The following EPHA3 variants were observed in gnomAD, a reference collection of about 807,000 sequenced individuals.
The protein encoded by EPHA3 is EPH receptor A3.
In EPHA3, 42 loss-of-function variants were observed where a neutral mutation model predicts 107.1. The ratio of observed to expected loss-of-function variants is 0.39; its 90% CI spans 0.31 to 0.51. The LOEUF (loss-of-function observed/expected upper bound fraction) is 0.51, where lower values mean the gene tolerates loss of function less well. Ranked by LOEUF, EPHA3 falls within the 20% of genes least tolerant of loss-of-function variation. The pLI, the probability that EPHA3 is intolerant of heterozygous loss-of-function variation, is 0.78. For missense variants in EPHA3, 1,183 were observed against 1,211.2 expected, an observed-to-expected ratio of 0.98 and a Z score of 0.35; for synonymous variants, 461 against 424.8, an observed-to-expected ratio of 1.09 and a Z score of -1.05.
rs6551395 is a variant in EPHA3 at position 89,133,282 on chromosome 3, T to G, written c.153+6009T>G. On this transcript the variant is annotated intron_variant, in intron 2 of 16. Transcript: ENST00000336596. ...CCTCTGATGTCACTTCATTTTTATTTCATATAATCTGCACAGACAAAAGTT... is the reference window on the plus strand; with the variant it reads ...CCTCTGATGTCACTTCATTTTTATTGCATATAATCTGCACAGACAAAAGTT... 2.6e-5 allele frequency among the ~76,000 whole-genome samples: 4 copies of G among 152,138 alleles called. No individual in the cohort carries two copies. In the East Asian group the frequency reaches 7.8e-4, roughly 30 times the overall value.
rs1376856361 is a variant in EPHA3, at chr3:89,473,043, A to G, written c.2846+424A>G. ...ATCAGGAAAATTGAGAGCCAAGTAG[A>G]TAATGTGGTATACAAGGAAACATAT... On this transcript the variant is annotated intron_variant, in intron 16 of 16. Coordinates refer to ENST00000336596, the MANE Select transcript of EPHA3 (RefSeq NM_005233.6). Among the ~76,000 whole-genome samples the G allele has an allele frequency of 2.0e-5, 3 of 152,240 alleles. No homozygotes were observed. In the East Asian group the frequency reaches 5.8e-4, roughly 29 times the overall value.
intron 2 of EPHA3, among the ~76,000 whole-genome samples, chr3:89,173,515 A>G (rs1705253659): frequency 6.6e-6 from 1 of 152,072 alleles, no homozygotes; most frequent in Non-Finnish European, 1.5e-5. Flanking sequence ...ACTTAGTTCA[A>G]TATCCTAAAG....
intron 3 of EPHA3, among the ~76,000 whole-genome samples, chr3:89,251,691 C>G (rs1576265597): frequency 6.6e-6 from 1 of 151,944 alleles, no homozygotes; most frequent in African/African-American, 2.4e-5. Flanking sequence ...CAATAATATT[C>G]AAATATCATT....
intron 16 of EPHA3, among the ~76,000 whole-genome samples, chr3:89,476,953 A>C (rs1710527347): frequency 6.6e-6 from 1 of 152,032 alleles, no homozygotes. Context: ...TAGTCATAAA[A>C]CATAGGATAT....
intron 3 of EPHA3, among the ~76,000 whole-genome samples, chr3:89,331,702 T>C (rs1165699383): frequency 6.6e-6 from 1 of 152,124 alleles, no homozygotes; most frequent in East Asian, 1.9e-4. Context: ...CAATTTATGG[T>C]GGTAATTCTG....
At chr3:89,354,582 A>G (rs534097892) in intron 5 of EPHA3, among the ~76,000 whole-genome samples, 2 of 151,354 alleles carry the variant, frequency 1.3e-5, no homozygotes, top group East Asian at 3.9e-4. Flanking sequence ...TGGCACCCCT[A>G]TAAGCAGGGG....
intron 10 of EPHA3, among the ~76,000 whole-genome samples, chr3:89,415,892 C>A (rs1380998706): frequency 2.0e-5 from 3 of 151,344 alleles, no homozygotes; most frequent in Non-Finnish European, 4.4e-5. Context: ...AAATGAAAAA[C>A]CAAAATTTGA....
chr3:89,388,025 G>A (rs1708656481), intron 5 of EPHA3, among the ~76,000 whole-genome samples: 1 of 152,040 alleles, frequency 6.6e-6, no homozygotes, highest in Non-Finnish European at 1.5e-5. Flanking sequence ...AGTGTATTAT[G>A]TCTTAGAATA....
At chr3:89,471,434 A>G (rs1197746711) in intron 15 of EPHA3, among the ~76,000 whole-genome samples, 5 of 152,024 alleles carry the variant, frequency 3.3e-5, no homozygotes, top group Non-Finnish European at 5.9e-5. Context: ...AATGGCATGA[A>G]CTCGGCTCAC....
chr3:89,123,221 T>C (rs766348928), intron 1 of EPHA3, among the ~76,000 whole-genome samples: 1 of 152,196 alleles, frequency 6.6e-6, no homozygotes, highest in Non-Finnish European at 1.5e-5. Flanking sequence ...CTCGGCTCAC[T>C]GCAACCTGCG....
intron 13 of EPHA3, among the ~76,000 whole-genome samples, chr3:89,432,636 A>G (rs1279986924): frequency 6.6e-6 from 1 of 152,204 alleles, no homozygotes; most frequent in Admixed American, 6.5e-5. Context: ...TAGATAAAAA[A>G]CAAGTAAATG....
At chr3:89,231,284 A>G (rs892508581) in intron 3 of EPHA3, among the ~76,000 whole-genome samples, 1 of 152,158 alleles carries the variant, frequency 6.6e-6, no homozygotes, top group African/African-American at 2.4e-5. Context: ...TCAATTAATG[A>G]TCACATTTTA....
intron 2 of EPHA3, among the ~76,000 whole-genome samples, chr3:89,161,982 T>C (rs1221756517): frequency 6.7e-6 from 1 of 149,732 alleles, no homozygotes; most frequent in Non-Finnish European, 1.5e-5. Flanking sequence ...TGTCTCAAAA[T>C]AATAATAATA....
At chr3:89,371,468 T>C (rs568983759) in intron 5 of EPHA3, among the ~76,000 whole-genome samples, 11 of 151,728 alleles carry the variant, frequency 7.2e-5, no homozygotes, top group Admixed American at 4.0e-4. Flanking sequence ...CAAGGTAAGA[T>C]AGATAAAAGA....
chr3:89,172,482 T>C (rs148275143), intron 2 of EPHA3, among the ~76,000 whole-genome samples: 1 of 152,306 alleles, frequency 6.6e-6, no homozygotes, highest in Non-Finnish European at 1.5e-5. Context: ...CATGTGTCCT[T>C]AGCAAGCTTC....
At chr3:89,199,006 C>T (rs1322392643) in intron 2 of EPHA3, among the ~76,000 whole-genome samples, 1 of 152,118 alleles carries the variant, frequency 6.6e-6, no homozygotes, top group Non-Finnish European at 1.5e-5. Context: ...TTTTATTGGA[C>T]AATTTCACCT....
intron 3 of EPHA3, among the ~76,000 whole-genome samples, chr3:89,322,726 T>C (rs993419461): frequency 9.2e-5 from 14 of 152,122 alleles, no homozygotes; most frequent in African/African-American, 2.4e-4. Context: ...ATCATTTCAA[T>C]TACCCCTGAG....
chr3:89,419,453 C>T, intron 11 of EPHA3, 63 bp downstream of exon 11: 1 of 1,406,024 alleles, frequency 7.1e-7, no homozygotes, highest in Non-Finnish European at 9.4e-7. Flanking sequence ...TTAAACCCAA[C>T]CCCAACCATT....
chr3:89,206,448 T>G (rs1212455262), intron 2 of EPHA3, among the ~76,000 whole-genome samples: 2 of 152,292 alleles, frequency 1.3e-5, no homozygotes, highest in Non-Finnish European at 2.9e-5. Context: ...CTTAAGAAAT[T>G]TAAAGTCAAT....
Sources: gnomAD v4.1 joint callset for allele counts (sites outside exome capture counted in the v4.1 genomes callset) on GRCh38, gnomAD v4.1.1 for gene constraint, MANE v1.5 for transcripts, NCBI Gene and HGNC (gene_info 2026-07-23, HGNC 2026-07-21) for gene names.